Variants in SGCE observed in about 807,000 individuals in gnomAD.
The protein encoded by SGCE is epsilon-sarcoglycan.
SGCE carries 26 observed loss-of-function variants against 57.8 expected under a neutral mutation model. The ratio of observed to expected loss-of-function variants is 0.45; its 90% CI spans 0.33 to 0.62. The LOEUF is 0.62. Among genes scored for constraint, SGCE ranks in the 20% least tolerant of loss-of-function variants. SGCE has a pLI of 0.02. For missense variants in SGCE, 468 were observed against 548.6 expected (o/e 0.85, Z 1.47); for synonymous variants, 183 against 189.5 (o/e 0.97, Z 0.28).
At position 94,629,780 on chromosome 7, in the gene SGCE, G is replaced by A. The variant is rs771086531; in HGVS notation, c.171C>T (p.Leu57=). The A allele has an allele frequency of 6.2e-7, 1 of 1,611,170 alleles. No individual in the cohort carries two copies. The highest frequency in any genetic ancestry group is 1.1e-5 in the South Asian group (1 of 91,016). The change falls in exon 2 of 11, where the codon CTC becomes CTT. Residue 57 remains leucine (L), a synonymous_variant. Transcript: ENST00000648936. ...DRNVYPSAGV[L]FVHVLEREYF... is the part of the protein sequence containing the mutation. The stretch of plus-strand genomic sequence containing the variant: ...ATTCTCTTTCCAAAACATGAACAAA[G>A]AGGACACCTGCTGATGGGTATACAT...
chr7:94,648,924 C>G (rs1807502619), intron 1 of SGCE, among the ~76,000 whole-genome samples: 1 of 152,148 alleles, frequency 6.6e-6, no homozygotes, highest in Non-Finnish European at 1.5e-5. Context: ...CAGCGAACCC[C>G]AAATCTCCAT....
intron 5 of SGCE, among the ~76,000 whole-genome samples, chr7:94,611,719 C>A (rs1017443579): frequency 6.6e-6 from 1 of 151,948 alleles, no homozygotes; most frequent in Non-Finnish European, 1.5e-5. Flanking sequence ...CACAAAAGTT[C>A]AAAGCTATGT....
chr7:94,635,928 G>T (rs1288024380), intron 1 of SGCE, among the ~76,000 whole-genome samples: 1 of 149,690 alleles, frequency 6.7e-6, no homozygotes, highest in Non-Finnish European at 1.5e-5. Context: ...GCCAGCTATT[G>T]TTTTTTTTTC....
At chr7:94,635,624 T>C (rs781781026) in intron 1 of SGCE, among the ~76,000 whole-genome samples, 4 of 152,230 alleles carry the variant, frequency 2.6e-5, no homozygotes, top group South Asian at 2.1e-4. Context: ...CATAGCCTGA[T>C]ACATTTATGG....
intron 9 of SGCE, chr7:94,589,596 C>T (rs190346708): frequency 6.6e-6 from 1 of 152,612 alleles, no homozygotes; most frequent in Admixed American, 6.5e-5. Context: ...CTCCCCATCA[C>T]TTGCATTACC....
chr7:94,588,655 T>A, intron 10 of SGCE, 34 bp downstream of exon 10: 1 of 1,573,304 alleles, frequency 6.4e-7, no homozygotes, highest in Non-Finnish European at 8.7e-7. Context: ...TTAGATTCAT[T>A]CATAAACATT....
intron 1 of SGCE, among the ~76,000 whole-genome samples, chr7:94,640,084 G>A (rs1021900497): frequency 1.3e-5 from 2 of 152,030 alleles, no homozygotes; most frequent in African/African-American, 2.4e-5. Context: ...GATAAAAGGA[G>A]AATCAAAGAC....
intron 5 of SGCE, among the ~76,000 whole-genome samples, chr7:94,615,209 A>C (rs1336910355): frequency 6.6e-6 from 1 of 152,104 alleles, no homozygotes; most frequent in Non-Finnish European, 1.5e-5. Flanking sequence ...AAATACAAAA[A>C]TTAGCCAGGC....
At chr7:94,600,941 C>A (rs1799120910) in intron 6 of SGCE, 84 bp from the exon 7 acceptor site, 2 of 1,138,404 alleles carry the variant, frequency 1.8e-6, no homozygotes, top group Non-Finnish European at 2.6e-6. Context: ...CTAAAGCATT[C>A]TTTGACAAAT....
intron 1 of SGCE, among the ~76,000 whole-genome samples, chr7:94,652,255 AG>A (rs1165272855): frequency 6.6e-6 from 1 of 152,210 alleles, no homozygotes; most frequent in East Asian, 1.9e-4. Context: ...CACTGGAGGT[AG>A]GAAATAAGTG....
At chr7:94,651,901 T>C (rs568807823) in intron 1 of SGCE, among the ~76,000 whole-genome samples, 4 of 152,170 alleles carry the variant, frequency 2.6e-5, no homozygotes, top group Non-Finnish European at 4.4e-5. Context: ...AAAAGACTTA[T>C]TGATACCTAG....
At chr7:94,616,303 T>G (rs571928410) in intron 5 of SGCE, among the ~76,000 whole-genome samples, 1 of 152,242 alleles carries the variant, frequency 6.6e-6, no homozygotes, top group African/African-American at 2.4e-5. Flanking sequence ...CACTTATTAC[T>G]TGTGGCTGAC....
chr7:94,594,473 A>G (rs1798118162), intron 9 of SGCE: 1 of 152,140 alleles, frequency 6.6e-6, no homozygotes, highest in Admixed American at 6.6e-5. Context: ...ATGGGACACA[A>G]GAAAGGTCTA....
At chr7:94,637,438 C>T (rs771140330) in intron 1 of SGCE, among the ~76,000 whole-genome samples, 19 of 152,196 alleles carry the variant, frequency 1.2e-4, no homozygotes, top group Non-Finnish European at 2.1e-4. Flanking sequence ...ATGTGATAAT[C>T]GAAACTCTTT....
intron 6 of SGCE, among the ~76,000 whole-genome samples, chr7:94,601,950 A>G (rs1799338243): frequency 6.6e-6 from 1 of 152,152 alleles, no homozygotes. Flanking sequence ...AAGATGTGGC[A>G]TAAAAATAAA....
intron 8 of SGCE, 33 bp downstream of exon 8, chr7:94,599,664 G>C (rs1018801969): frequency 5.0e-6 from 8 of 1,598,176 alleles, no homozygotes; most frequent in African/African-American, 1.3e-5. Flanking sequence ...GGGAAAAAAT[G>C]ATGAAGAAAA....
At chr7:94,586,935 C>T in intron 10 of SGCE, 1 of 980,538 alleles carries the variant, frequency 1.0e-6, no homozygotes, top group Non-Finnish European at 1.2e-6. Context: ...ACAATAACAA[C>T]AAAACAACCA....
At chr7:94,602,227 C>A (rs1264897592) in intron 6 of SGCE, among the ~76,000 whole-genome samples, 1 of 152,042 alleles carries the variant, frequency 6.6e-6, no homozygotes, top group Non-Finnish European at 1.5e-5. Flanking sequence ...CATGATTGAA[C>A]AAATTTTCCT....
intron 1 of SGCE, among the ~76,000 whole-genome samples, chr7:94,651,557 G>A (rs1292547313): frequency 1.3e-5 from 2 of 152,180 alleles, no homozygotes; most frequent in Non-Finnish European, 2.9e-5. Context: ...CAAATGCTTT[G>A]CAGAAAGCAG....
Sources: allele counts gnomAD v4.1 joint callset (sites outside exome capture counted in the v4.1 genomes callset), GRCh38; gene constraint gnomAD v4.1.1; transcripts MANE v1.5; gene names NCBI Gene and HGNC (gene_info 2026-07-23, HGNC 2026-07-21).